PAPPA2: variants seen among roughly 807,000 people sequenced by gnomAD.
PAPPA2 encodes pappalysin 2, also known as pappalysin-2.
A neutral mutation model predicts 176.4 loss-of-function variants in PAPPA2; 86 were observed. That is an observed-to-expected ratio of 0.49 (90% CI 0.41 to 0.58). PAPPA2 has a LOEUF of 0.58. Ranked by LOEUF, PAPPA2 falls within the 20% of genes least tolerant of loss-of-function variation. PAPPA2 has a pLI of 0.00. For missense variants in PAPPA2, 2,073 were observed against 2,256.9 expected, an observed-to-expected ratio of 0.92 and a Z score of 1.65; for synonymous variants, 809 against 852.2, an observed-to-expected ratio of 0.95 and a Z score of 0.88.
At chr1:176,470,708 C>T (rs1651831160) in intron 1 of PAPPA2, among the ~76,000 whole-genome samples, 1 of 152,164 alleles carries the variant, frequency 6.6e-6, no homozygotes, top group Non-Finnish European at 1.5e-5. Flanking sequence ...CAAGAAGCAA[C>T]AAAAATGTGA....
In PAPPA2 at chr1:176,702,590, C is replaced by A; in HGVS notation, c.3237-17C>A. ...ACTTTGTGGCTGTAGTGGTCACAAA[C>A]CCTTTGGTTTCCACAGGGAGGTCAC... On this transcript the variant is annotated splice_polypyrimidine_tract_variant and intron_variant, in intron 8 of 22. Coordinates refer to ENST00000367662, the MANE Select transcript of PAPPA2 (RefSeq NM_020318.3). The A allele has an allele frequency of 6.2e-7, 1 of 1,613,342 alleles. No individual in the cohort carries two copies.
chr1:176,591,737 G>A (rs888856108), intron 2 of PAPPA2, among the ~76,000 whole-genome samples: 8 of 151,876 alleles, frequency 5.3e-5, no homozygotes, highest in Non-Finnish European at 1.0e-4. Context: ...TTCTCATTCC[G>A]TTAGTTTGCT....
In PAPPA2 at chr1:176,631,067, C is replaced by T. The variant is rs78853857; in HGVS notation, c.1991+35472C>T. On this transcript the variant is annotated intron_variant, in intron 3 of 22. Transcript: ENST00000367662. ...AGGAGACGTTAGAAGAAAAATGCTT[C>T]GACGAAACTGGAAAAAAGCAGAGGT... is the stretch of plus-strand genomic sequence containing the variant. 2.5e-3 allele frequency among the ~76,000 whole-genome samples: 378 copies of T among 152,156 alleles called. 1 individual carries two copies. The highest frequency in any genetic ancestry group is 7.7e-3 in the African/African-American group (319 of 41,484).
At chr1:176,753,554 CTTTTTTTTTTTTTTT>C (rs77817405) in intron 14 of PAPPA2, among the ~76,000 whole-genome samples, 3 of 73,498 alleles carry the variant, frequency 4.1e-5, no homozygotes, top group East Asian at 6.9e-4. Context: ...AAGGCTCCTC[CTTTTTTTTTTTTTTT>C]TTTTTTTTTT....
intron 21 of PAPPA2, among the ~76,000 whole-genome samples, chr1:176,825,271 G>A (rs1442329160): frequency 2.6e-5 from 4 of 152,062 alleles, no homozygotes; most frequent in African/African-American, 7.2e-5. Context: ...GCACAGAGCC[G>A]GCTTTTCCGA....
chr1:176,583,157 A>G (rs906857483), intron 2 of PAPPA2, among the ~76,000 whole-genome samples: 2 of 151,530 alleles, frequency 1.3e-5, no homozygotes, highest in South Asian at 2.1e-4. Context: ...TGGCTTGTCC[A>G]TTTTGTATAT....
chr1:176,808,249 G>A (rs1292231098), intron 21 of PAPPA2, among the ~76,000 whole-genome samples: 2 of 152,168 alleles, frequency 1.3e-5, no homozygotes, highest in Non-Finnish European at 1.5e-5. Flanking sequence ...TGTCAAGTCA[G>A]GTGTGAAATA....
chr1:176,731,853 C>T (rs772490943), intron 12 of PAPPA2, among the ~76,000 whole-genome samples: 4 of 151,986 alleles, frequency 2.6e-5, no homozygotes, highest in Non-Finnish European at 5.9e-5. Flanking sequence ...ACAACCATTT[C>T]AATTTAAATT....
intron 1 of PAPPA2, among the ~76,000 whole-genome samples, chr1:176,463,940 G>T (rs998874878): frequency 6.6e-6 from 1 of 152,112 alleles, no homozygotes; most frequent in Non-Finnish European, 1.5e-5. Flanking sequence ...GAGTTCTATT[G>T]CTAAGCTTAG....
chr1:176,770,132 G>A (rs1372403308), intron 16 of PAPPA2, among the ~76,000 whole-genome samples: 1 of 152,152 alleles, frequency 6.6e-6, no homozygotes, highest in Non-Finnish European at 1.5e-5. Context: ...AATATTTACA[G>A]CCATCCTTTG....
chr1:176,662,196 G>A (rs551836674), intron 3 of PAPPA2, among the ~76,000 whole-genome samples: 5 of 152,212 alleles, frequency 3.3e-5, no homozygotes, highest in Admixed American at 2.0e-4. Context: ...TATGTGATCC[G>A]GGGGAAGACA....
Position 176,695,811 on chromosome 1 carries a change from C to T in PAPPA2, c.2698C>T (p.Arg900Trp), listed in dbSNP as rs199765310. 1.4e-4 allele frequency: 226 copies of T among 1,614,048 alleles called. 1 individual carries two copies. The highest frequency in any genetic ancestry group is 6.7e-5 in the Non-Finnish European group (79 of 1,179,990). The change falls in exon 7 of 23, where the codon CGG becomes TGG. Residue 900 changes from arginine (R) to tryptophan (W), a missense_variant. Around this residue, in one of 4 missense-constraint regions of PAPPA2, gnomAD observed 1,196 missense variants for 1,330.4 expected, o/e 0.90. Transcript: ENST00000367662. The part of the protein sequence containing the change: ...FRQYVHTASS[R>W]RVCDSSGYWT... ...TCAGTATGTGCACACAGCTTCCTCC[C>T]GGCGGGTGTGTGACTCCTCAGGTTA...
chr1:176,727,569 A>C lies in PAPPA2; in HGVS notation c.3799-12057A>C, dbSNP rs551448083. Reference sequence around the variant, plus strand: ...AGAGGCTCAAAAGAAATGAATTATAAATTGACAGAACTAATGAGCAAACAG... The same window carrying C: ...AGAGGCTCAAAAGAAATGAATTATACATTGACAGAACTAATGAGCAAACAG... On this transcript the variant is annotated intron_variant, in intron 12 of 22. Coordinates refer to ENST00000367662, the MANE Select transcript of PAPPA2 (RefSeq NM_020318.3). 2.0e-5 allele frequency among the ~76,000 whole-genome samples: 3 copies of C among 152,236 alleles called. No individual in the cohort carries two copies. In the East Asian group the frequency reaches 5.8e-4, roughly 29 times the overall value.
At chr1:176,599,719 A>G (rs1439566685) in intron 3 of PAPPA2, among the ~76,000 whole-genome samples, 4 of 151,738 alleles carry the variant, frequency 2.6e-5, no homozygotes, top group Non-Finnish European at 5.9e-5. Context: ...ATCTGAAGTC[A>G]ACTTTTCTTT....
intron 1 of PAPPA2, among the ~76,000 whole-genome samples, chr1:176,541,834 A>G (rs185100115): frequency 6.6e-6 from 1 of 152,344 alleles, no homozygotes; most frequent in East Asian, 1.9e-4. Context: ...CCATTGATGC[A>G]ATGCTGCCCA....
intron 17 of PAPPA2, among the ~76,000 whole-genome samples, chr1:176,785,031 A>T (rs1403670010): frequency 6.6e-6 from 1 of 152,124 alleles, no homozygotes; most frequent in Non-Finnish European, 1.5e-5. Context: ...ATACCATCAC[A>T]TTGGGAGTTA....
At chr1:176,840,439 G>T (rs1667444918) in intron 22 of PAPPA2, among the ~76,000 whole-genome samples, 168 bp downstream of exon 22, 1 of 152,184 alleles carries the variant, frequency 6.6e-6, no homozygotes, top group African/African-American at 2.4e-5. Context: ...GTTAAGGGTA[G>T]CATAGGTTCT....
intron 2 of PAPPA2, among the ~76,000 whole-genome samples, chr1:176,557,668 G>A (rs1171673592): frequency 6.6e-6 from 1 of 152,128 alleles, no homozygotes; most frequent in African/African-American, 2.4e-5. Flanking sequence ...GTCATGCCTG[G>A]GCTGGTCCAG....
intron 1 of PAPPA2, among the ~76,000 whole-genome samples, chr1:176,513,158 T>TATCATCATCATCATC (rs66771117): frequency 6.7e-6 from 1 of 149,546 alleles, no homozygotes; most frequent in African/African-American, 2.5e-5. Context: ...CATTTCTGTC[T>TATCATCATCATCATC]ATCATCATCA....
Sources: gnomAD v4.1 joint callset for allele counts (sites outside exome capture counted in the v4.1 genomes callset) on GRCh38, gnomAD v4.1.1 for gene constraint, gnomAD v4.1.1 regional missense constraint, MANE v1.5 for transcripts, NCBI Gene and HGNC (gene_info 2026-07-23, HGNC 2026-07-21) for gene names.